The following KALRN variants were observed in gnomAD, a reference collection of about 807,000 sequenced individuals.
The protein encoded by KALRN is kalirin RhoGEF kinase.
A neutral mutation model predicts 353.7 loss-of-function variants in KALRN; 70 were observed. The ratio of observed to expected loss-of-function variants is 0.20; its 90% CI spans 0.16 to 0.24. The LOEUF is 0.24. KALRN is among the 10% of genes least tolerant of loss of function. The pLI, the probability that KALRN is intolerant of heterozygous loss-of-function variation, is 1.00. For synonymous variants in KALRN, 1,391 were observed against 1,434.8 expected, an observed-to-expected ratio of 0.97 and a Z score of 0.69; for missense variants, 2,791 against 3,756.7, an observed-to-expected ratio of 0.74 and a Z score of 6.72.
At chr3:124,102,726 A>G (rs1296706598) in intron 1 of KALRN, among the ~76,000 whole-genome samples, 2 of 152,194 alleles carry the variant, frequency 1.3e-5, no homozygotes, top group Non-Finnish European at 1.5e-5. Context: ...TGTCCCCACT[A>G]TCCTTTGTAT....
At chr3:124,048,170 G>T (rs2040686895) in intron 1 of KALRN, among the ~76,000 whole-genome samples, 1 of 152,096 alleles carries the variant, frequency 6.6e-6, no homozygotes, top group Non-Finnish European at 1.5e-5. Context: ...TTTATATGGG[G>T]CAATATAGGA....
intron 27 of KALRN, among the ~76,000 whole-genome samples, chr3:124,478,572 C>T (rs1247755460): frequency 6.6e-6 from 1 of 152,134 alleles, no homozygotes; most frequent in African/African-American, 2.4e-5. Context: ...GTATCCCACA[C>T]TAGAATACCT....
intron 34 of KALRN, among the ~76,000 whole-genome samples, chr3:124,585,189 C>T (rs1313387683): frequency 6.6e-6 from 1 of 152,210 alleles, no homozygotes; most frequent in Non-Finnish European, 1.5e-5. Flanking sequence ...GTCAGGGCGC[C>T]AGCCTGCTAG....
intron 7 of KALRN, among the ~76,000 whole-genome samples, chr3:124,328,134 T>A (rs142310545): frequency 6.6e-6 from 1 of 152,218 alleles, no homozygotes; most frequent in Non-Finnish European, 1.5e-5. Context: ...AAGAACTTCC[T>A]AAAGACTGAA....
chr3:124,410,829 A>G (rs2092087192), intron 13 of KALRN, among the ~76,000 whole-genome samples: 1 of 152,228 alleles, frequency 6.6e-6, no homozygotes, highest in Non-Finnish European at 1.5e-5. Context: ...TGACCTATAT[A>G]TAATTCCACC....
intron 10 of KALRN, among the ~76,000 whole-genome samples, chr3:124,350,208 T>A (rs1051150236): frequency 1.1e-4 from 16 of 152,226 alleles, no homozygotes; most frequent in Non-Finnish European, 1.9e-4. Context: ...AGTCCCATTT[T>A]TCCCAACTGT....
At chr3:124,314,449 T>C (rs903744937) in intron 6 of KALRN, among the ~76,000 whole-genome samples, 1 of 151,602 alleles carries the variant, frequency 6.6e-6, no homozygotes, top group Non-Finnish European at 1.5e-5. Flanking sequence ...TGTATACATA[T>C]GTAACAAACC....
rs1185252396 is a variant in KALRN, at chr3:124,298,617, C to CT, written c.970-173dup. Among the ~76,000 whole-genome samples, 7 of 152,272 alleles carry CT rather than the reference C, an allele frequency of 4.6e-5. No homozygotes were observed. The South Asian group carries it at 8.3e-4, about 18-fold the overall frequency. ...GGGTCTTACGCTAAAAGTGAGGGCT[C>CT]TCCTGAGAAATCAGGCTGTGGCCCA... On this transcript the variant is annotated intron_variant, in intron 5 of 59. Coordinates refer to ENST00000682506, the MANE Select transcript of KALRN (RefSeq NM_001388419.1).
At chr3:124,266,819 A>G (rs1483398707) in intron 4 of KALRN, among the ~76,000 whole-genome samples, 3 of 152,254 alleles carry the variant, frequency 2.0e-5, no homozygotes, top group African/African-American at 7.2e-5. Flanking sequence ...GCACCCCTCC[A>G]GAACACTAGA....
chr3:124,222,377 TGAATCTCTG>T (rs536887368), intron 1 of KALRN, among the ~76,000 whole-genome samples: 51 of 152,338 alleles, frequency 3.3e-4, no homozygotes, highest in African/African-American at 5.8e-4. Flanking sequence ...GGGTAATGGC[TGAATCTCTG>T]GAATCTCTGG....
chr3:124,705,215 G>T (rs2062543819), intron 57 of KALRN, among the ~76,000 whole-genome samples: 1 of 152,144 alleles, frequency 6.6e-6, no homozygotes, highest in Non-Finnish European at 1.5e-5. Flanking sequence ...TCAGATGGCA[G>T]GTTGAACACA....
At chr3:124,526,213 C>T (rs2109075920) in intron 33 of KALRN, among the ~76,000 whole-genome samples, 1 of 152,248 alleles carries the variant, frequency 6.6e-6, no homozygotes, top group East Asian at 1.9e-4. Flanking sequence ...ATGCCTCAGA[C>T]CTCAAATTTG....
intron 1 of KALRN, among the ~76,000 whole-genome samples, chr3:124,130,594 C>T (rs1156949228): frequency 6.6e-6 from 1 of 152,014 alleles, no homozygotes; most frequent in Admixed American, 6.6e-5. Context: ...CTATTATGCA[C>T]ACCCCATGAA....
intron 1 of KALRN, among the ~76,000 whole-genome samples, chr3:124,223,154 C>G (rs561224477): frequency 2.8e-4 from 42 of 151,960 alleles, no homozygotes; most frequent in African/African-American, 1.0e-3. Context: ...TGCTTGGAAG[C>G]CCCCTTGGAG....
chr3:124,398,865 C>T lies in KALRN; in HGVS notation c.2340C>T (p.Thr780=). 1 of 1,605,512 alleles carries T rather than the reference C, an allele frequency of 6.2e-7. No individual in the cohort carries two copies. The highest frequency in any genetic ancestry group is 8.5e-7 in the Non-Finnish European group (1 of 1,175,110). Reference sequence around the variant, plus strand: ...AACTGCGCATCTTTGAGCAGTACACCATCGAGGTAGCAGGGGGCCAGGAGG... The same window carrying T: ...AACTGCGCATCTTTGAGCAGTACACTATCGAGGTAGCAGGGGGCCAGGAGG... ...FLQLRIFEQY[T]IEVTAELDAW... Residue 780 remains threonine (T), a synonymous_variant, in exon 13 of 60, where the codon ACC becomes ACT. Coordinates refer to ENST00000682506, the MANE Select transcript of KALRN (RefSeq NM_001388419.1).
At chr3:124,612,435 T>A (rs1017604325) in intron 34 of KALRN, among the ~76,000 whole-genome samples, 2 of 152,230 alleles carry the variant, frequency 1.3e-5, no homozygotes, top group Non-Finnish European at 2.9e-5. Flanking sequence ...ACTCCTGACC[T>A]TAGGTGATCC....
intron 1 of KALRN, among the ~76,000 whole-genome samples, chr3:124,111,181 C>T (rs2062931332): frequency 2.0e-5 from 3 of 152,196 alleles, no homozygotes; most frequent in South Asian, 4.1e-4. Context: ...CATCTTAGAA[C>T]CCCAATACCT....
intron 1 of KALRN, among the ~76,000 whole-genome samples, chr3:124,108,394 T>C (rs1299283430): frequency 6.6e-6 from 1 of 152,222 alleles, no homozygotes; most frequent in Non-Finnish European, 1.5e-5. Context: ...CTAAATACTT[T>C]TCTGAGTCTC....
At chr3:124,147,221 C>T (rs1164743385) in intron 1 of KALRN, among the ~76,000 whole-genome samples, 1 of 152,140 alleles carries the variant, frequency 6.6e-6, no homozygotes, top group Non-Finnish European at 1.5e-5. Context: ...CCATGCAGCC[C>T]CTCCAGGTGA....
Sources: allele counts gnomAD v4.1 joint callset (sites outside exome capture counted in the v4.1 genomes callset), GRCh38; gene constraint gnomAD v4.1.1; transcripts MANE v1.5; gene names NCBI Gene and HGNC (gene_info 2026-07-23, HGNC 2026-07-21).